ZNF420: variants seen among roughly 807,000 people sequenced by gnomAD.
ZNF420 encodes the protein zinc finger protein 420.
Under a neutral mutation model 44.7 loss-of-function variants are expected in ZNF420, and 31 were observed. The observed-to-expected ratio is 0.69, with a 90% CI of 0.52 to 0.94. The LOEUF is 0.94. ZNF420 is among the 40% of genes least tolerant of loss of function. ZNF420 has a pLI of 0.00. For synonymous variants in ZNF420, 245 were observed against 267.4 expected (o/e 0.92, Z 0.82); for missense variants, 681 against 827.9 (o/e 0.82, Z 2.18).
At chr19:37,011,479 TC>T (rs1315826419) in intron 1 of ZNF420, among the ~76,000 whole-genome samples, 2 of 152,130 alleles carry the variant, frequency 1.3e-5, no homozygotes, top group African/African-American at 2.4e-5. Flanking sequence ...GCCATGAATG[TC>T]AGGGAGCCAA....
chr19:37,050,449 T>A (rs920280708), intron 1 of ZNF420, among the ~76,000 whole-genome samples: 2 of 152,214 alleles, frequency 1.3e-5, no homozygotes, highest in Admixed American at 6.5e-5. Flanking sequence ...GTAAGTTGGA[T>A]CCCTAGATAT....
At chr19:37,120,378 G>A (rs866098779) in intron 4 of ZNF420, among the ~76,000 whole-genome samples, 2,564 of 151,458 alleles carry the variant, frequency 0.017, 53 homozygotes, top group East Asian at 0.044. Context: ...AAAACCACAT[G>A]ATTATCTCAA....
chr19:37,037,259 G>C (rs534363366), intron 1 of ZNF420, among the ~76,000 whole-genome samples: 15 of 152,320 alleles, frequency 9.8e-5, no homozygotes, highest in African/African-American at 3.6e-4. Flanking sequence ...GAGAGCTCTG[G>C]GTGGGCCGGG....
At chr19:37,049,699 G>A (rs992631668) in intron 1 of ZNF420, among the ~76,000 whole-genome samples, 3 of 152,156 alleles carry the variant, frequency 2.0e-5, no homozygotes, top group South Asian at 4.1e-4. Flanking sequence ...TTCTTTTGCT[G>A]TGCAGAAGCT....
chr19:37,050,121 T>C (rs971222575), intron 1 of ZNF420, among the ~76,000 whole-genome samples: 1 of 152,208 alleles, frequency 6.6e-6, no homozygotes, highest in Non-Finnish European at 1.5e-5. Flanking sequence ...TACTGTAGCC[T>C]TGTAATATAG....
At chr19:37,097,405 C>G (rs1478403123) in intron 4 of ZNF420, among the ~76,000 whole-genome samples, 1 of 151,976 alleles carries the variant, frequency 6.6e-6, no homozygotes. Context: ...TCTCTACATA[C>G]AATATGTGGT....
chr19:37,010,377 C>T (rs2074559324), intron 1 of ZNF420, among the ~76,000 whole-genome samples: 2 of 152,098 alleles, frequency 1.3e-5, no homozygotes, highest in African/African-American at 4.8e-5. Flanking sequence ...CCCGTGATCT[C>T]GACGACATGT....
chr19:37,066,090 T>C (rs140867519), intron 1 of ZNF420, among the ~76,000 whole-genome samples: 145 of 152,340 alleles, frequency 9.5e-4, no homozygotes, highest in African/African-American at 3.1e-3. Context: ...AATTGACAAA[T>C]GTTATCAAAA....
chr19:37,071,414 TATAAAC>T (rs1304219370), intron 1 of ZNF420, among the ~76,000 whole-genome samples: 3 of 152,170 alleles, frequency 2.0e-5, no homozygotes, highest in African/African-American at 7.2e-5. Flanking sequence ...GCAAGAGAAT[TATAAAC>T]ATAAATCTCA....
At chr19:37,068,786 T>C (rs1243068912) in intron 1 of ZNF420, among the ~76,000 whole-genome samples, 1 of 152,126 alleles carries the variant, frequency 6.6e-6, no homozygotes, top group African/African-American at 2.4e-5. Context: ...GAAAAAACAT[T>C]TGGAAAATAC....
At chr19:37,036,468 G>A (rs1051850119) in intron 1 of ZNF420, among the ~76,000 whole-genome samples, 6 of 152,108 alleles carry the variant, frequency 3.9e-5, no homozygotes, top group East Asian at 3.9e-4. Context: ...CCTGCCCCCC[G>A]TTCATTCAGC....
Position 37,127,780 on chromosome 19 carries a change from T to C in ZNF420, c.789T>C (p.Asn263=), listed in dbSNP as rs1407682847. The change falls in exon 5 of 5, where the codon AAT becomes AAC. Residue 263 remains asparagine, a synonymous_variant. Transcript: ENST00000337995. ...AATGTGGGAAGGCCTTTACTCAGAATTCACAACTTACACTACACCAGAGAC... is the reference window on the plus strand; with the variant it reads ...AATGTGGGAAGGCCTTTACTCAGAACTCACAACTTACACTACACCAGAGAC... ...CKECGKAFTQ[N]SQLTLHQRLH... The C allele has an allele frequency of 1.9e-6, 3 of 1,612,712 alleles. No homozygotes were observed. The highest frequency in any genetic ancestry group is 2.5e-6 in the Non-Finnish European group (3 of 1,179,596).
Position 37,042,089 on chromosome 19 carries a change from T to G in ZNF420, c.-125+34007T>G, listed in dbSNP as rs538370630. ...ATCTTGGCTCACTGCAACTTCCGCC[T>G]CCCCAGTTCAAGCAATTCTCTCCCT... On this transcript the variant is annotated intron_variant, in intron 1 of 4. Transcript: ENST00000587029. Among the ~76,000 whole-genome samples, 56 of 152,332 alleles carry G rather than the reference T, an allele frequency of 3.7e-4. 1 individual carries two copies. Among genetic ancestry groups the G allele is most frequent in the Admixed American group, 2.0e-3 (31 of 15,300 alleles).
intron 1 of ZNF420, among the ~76,000 whole-genome samples, chr19:37,032,922 G>C (rs889821867): frequency 6.6e-6 from 1 of 152,218 alleles, no homozygotes; most frequent in Non-Finnish European, 1.5e-5. Context: ...TGGTCGGCAA[G>C]TTGTAGGATG....
At chr19:37,113,135 C>T (rs538014072) in intron 4 of ZNF420, among the ~76,000 whole-genome samples, 2 of 152,290 alleles carry the variant, frequency 1.3e-5, no homozygotes, top group East Asian at 1.9e-4. Flanking sequence ...TCTCGTTTCC[C>T]GACAATGGTT....
At chr19:37,042,899 AT>A (rs1175653839) in intron 1 of ZNF420, among the ~76,000 whole-genome samples, 4 of 152,350 alleles carry the variant, frequency 2.6e-5, no homozygotes, top group African/African-American at 9.6e-5. Flanking sequence ...CTAAGAGGCC[AT>A]TTGAGGATTA....
At chr19:37,029,547 TC>T (rs754572737) in intron 1 of ZNF420, among the ~76,000 whole-genome samples, 24 of 151,976 alleles carry the variant, frequency 1.6e-4, no homozygotes, top group Non-Finnish European at 3.5e-4. Flanking sequence ...TTCTTTTTTT[TC>T]TTTTACTTTT....
intron 4 of ZNF420, among the ~76,000 whole-genome samples, chr19:37,099,739 T>C (rs959700846): frequency 1.3e-5 from 2 of 152,154 alleles, no homozygotes; most frequent in African/African-American, 4.8e-5. Flanking sequence ...TTCTCTTGCC[T>C]CAGCCTCCAG....
In ZNF420 at chr19:37,111,706, C is replaced by T. The variant is rs1028488811; in HGVS notation, c.137-15422C>T. 2.0e-5 allele frequency: 3 copies of T among 152,236 alleles called. No individual in the cohort carries two copies. In the South Asian group the frequency reaches 6.2e-4, roughly 32 times the overall value. 9.4% of individuals were successfully genotyped at this position (152,236 alleles called of 1,614,324 possible). A position where few individuals can be genotyped will look rare whatever the true frequency, so the allele number is the denominator to read the frequency against. On this transcript the variant is annotated intron_variant, in intron 4 of 4. Transcript: ENST00000337995. ...CAAATAGTTGGACTATTAAGCATTC[C>T]CTGAGGTAACACTTTCCACTGAAAC... is the stretch of plus-strand genomic sequence containing the variant.
Sources: gnomAD v4.1 joint callset for allele counts (sites outside exome capture counted in the v4.1 genomes callset) on GRCh38, gnomAD v4.1.1 for gene constraint, MANE v1.5 for transcripts, NCBI Gene and HGNC (gene_info 2026-07-23, HGNC 2026-07-21) for gene names.